TNRC6A: variants seen among roughly 807,000 people sequenced by gnomAD.
TNRC6A encodes the protein trinucleotide repeat containing adaptor 6A, also known as trinucleotide repeat-containing gene 6A protein.
In TNRC6A, 44 loss-of-function variants were observed where a neutral mutation model predicts 221.2. That is an observed-to-expected ratio of 0.20 (90% CI 0.16 to 0.26). The LOEUF (loss-of-function observed/expected upper bound fraction) is 0.26. TNRC6A is among the 10% of genes least tolerant of loss of function. The pLI, the probability that TNRC6A is intolerant of heterozygous loss-of-function variation, is 1.00. For missense variants in TNRC6A, 2,199 were observed against 2,404.4 expected, an observed-to-expected ratio of 0.91 and a Z score of 1.79; for synonymous variants, 847 against 838.5, an observed-to-expected ratio of 1.01 and a Z score of -0.18.
Position 24,793,497 on chromosome 16 carries a change from C to A in TNRC6A, c.3200C>A (p.Pro1067His). 6.6e-7 allele frequency: 1 copy of A among 1,516,962 alleles called. No homozygotes were observed. The highest frequency in any genetic ancestry group is 1.4e-5 in the South Asian group (1 of 71,732). The allele number at this position is 1,516,962 out of a possible 1,614,324, so 94.0% of individuals were successfully genotyped here. A position where few individuals can be genotyped will look rare whatever the true frequency, so the allele number is the denominator to read the frequency against. ...GGCTGGGGTGAGCCCTGGGGGGAGC[C>A]TTCTACTCCAGCCACAACTGTGGAT... ...GSGWGEPWGE[P>H]STPATTVDNG... The change falls in exon 7 of 25, where the codon CCT becomes CAT. Residue 1067 changes from proline (P) to histidine (H), a missense_variant. This residue lies in a region of TNRC6A where 1,405 missense variants were observed against 1,400.2 expected (regional missense o/e 1.00). Coordinates refer to ENST00000395799, the MANE Select transcript of TNRC6A (RefSeq NM_014494.4).
At chr16:24,726,362 C>A (rs866193867), upstream of TNRC6A, among the ~76,000 whole-genome samples, 101 of 134,508 alleles carry the variant, frequency 7.5e-4, no homozygotes, top group Admixed American at 8.2e-4. Context: ...CAAAAGATAC[C>A]AAAAAAAAAA....
chr16:24,784,951 T>C (rs912332078), intron 5 of TNRC6A, among the ~76,000 whole-genome samples: 4 of 152,360 alleles, frequency 2.6e-5, no homozygotes, highest in Middle Eastern at 3.4e-3. Context: ...AAAATACTTA[T>C]TCACTGATAG....
At chr16:24,705,960 C>A (rs2056085740) in intron 2 of TNRC6A, among the ~76,000 whole-genome samples, 1 of 152,102 alleles carries the variant, frequency 6.6e-6, no homozygotes, top group African/African-American at 2.4e-5. Context: ...CAAGAGTACT[C>A]CTGGAAAGTC....
intron 4 of TNRC6A, among the ~76,000 whole-genome samples, chr16:24,769,802 G>A (rs2057552819): frequency 6.6e-6 from 1 of 152,090 alleles, no homozygotes. Flanking sequence ...TGCACCTCTT[G>A]AATATTGATA....
At chr16:24,647,583 G>A (rs769649277) in intron 2 of TNRC6A, among the ~76,000 whole-genome samples, 54 of 152,012 alleles carry the variant, frequency 3.6e-4, no homozygotes, top group Admixed American at 7.9e-4. Flanking sequence ...CATCACCACC[G>A]TCCATCTCTA....
intron 2 of TNRC6A, among the ~76,000 whole-genome samples, chr16:24,652,810 G>A (rs1269392945): frequency 6.6e-6 from 1 of 152,160 alleles, no homozygotes; most frequent in African/African-American, 2.4e-5. Flanking sequence ...CTACCTCCCT[G>A]TAGATTAAGT....
intron 2 of TNRC6A, among the ~76,000 whole-genome samples, chr16:24,668,485 G>A (rs965545237): frequency 3.9e-5 from 6 of 151,960 alleles, no homozygotes; most frequent in Admixed American, 2.0e-4. Flanking sequence ...CCAGTCCCTC[G>A]GCTCTACCCG....
At chr16:24,757,664 A>G (rs1174005280) in intron 3 of TNRC6A, among the ~76,000 whole-genome samples, 1 of 152,230 alleles carries the variant, frequency 6.6e-6, no homozygotes, top group Non-Finnish European at 1.5e-5. Flanking sequence ...GTGTCAGAAA[A>G]TAAAGGAAGA....
At chr16:24,690,982 T>C (rs2055744158) in intron 2 of TNRC6A, among the ~76,000 whole-genome samples, 2 of 151,994 alleles carry the variant, frequency 1.3e-5, no homozygotes, top group East Asian at 1.9e-4. Context: ...TAATTTTTTT[T>C]GTATTTTTGG....
At chr16:24,730,161 C>T in intron 1 of TNRC6A, 92 bp from the exon 2 acceptor site, 1 of 1,311,480 alleles carries the variant, frequency 7.6e-7, no homozygotes. Context: ...GGCCCCGGCG[C>T]GAGCCTCTGC....
At chr16:24,751,715 A>T (rs535005273) in intron 3 of TNRC6A, among the ~76,000 whole-genome samples, 1 of 152,158 alleles carries the variant, frequency 6.6e-6, no homozygotes, top group Admixed American at 6.5e-5. Flanking sequence ...TGAGCCAGGC[A>T]TTGTGCTAGG....
At chr16:24,813,482 C>A (rs1433551805) in intron 18 of TNRC6A, among the ~76,000 whole-genome samples, 2 of 152,150 alleles carry the variant, frequency 1.3e-5, no homozygotes, top group Non-Finnish European at 2.9e-5. Flanking sequence ...CAGCTCCATC[C>A]ATGTTGCTGC....
At chr16:24,770,088 G>A (rs1001956264) in intron 4 of TNRC6A, among the ~76,000 whole-genome samples, 4 of 152,144 alleles carry the variant, frequency 2.6e-5, no homozygotes, top group African/African-American at 9.7e-5. Context: ...CCAGTCTGGG[G>A]GTGGGGGAAA....
At chr16:24,783,138 C>CTTTTTTTTTTT (rs551197182) in intron 5 of TNRC6A, among the ~76,000 whole-genome samples, 1 of 147,836 alleles carries the variant, frequency 6.8e-6, no homozygotes, top group Non-Finnish European at 1.5e-5. Context: ...TGTTTCTTTT[C>CTTTTTTTTTTT]TTTTTTTTTT....
intron 2 of TNRC6A, among the ~76,000 whole-genome samples, chr16:24,722,033 G>A (rs542259158): frequency 5.5e-4 from 84 of 152,284 alleles, no homozygotes; most frequent in Admixed American, 1.4e-3. Context: ...GAGAAGGGGC[G>A]CGAGGGAATT....
intron 4 of TNRC6A, among the ~76,000 whole-genome samples, chr16:24,761,520 T>A (rs766226840): frequency 2.6e-4 from 40 of 152,044 alleles, no homozygotes; most frequent in Non-Finnish European, 4.0e-4. Context: ...ATAAGAAAAT[T>A]TTTTAAAAAC....
chr16:24,752,208 A>T (rs1462617030), intron 3 of TNRC6A, among the ~76,000 whole-genome samples: 1 of 152,228 alleles, frequency 6.6e-6, no homozygotes, highest in African/African-American at 2.4e-5. Context: ...GGACTATTAA[A>T]GTAATCCACA....
rs146807475 is a variant in TNRC6A at position 24,697,254 on chromosome 16, A to G, written n.403-53472A>G. On this transcript the variant is annotated intron_variant and non_coding_transcript_variant, in intron 2 of 2. Coordinates refer to the TNRC6A transcript ENST00000566108. ...GGAAAAACTGCTGAAGCAATGACAG[A>G]AACTACCTACGTCTGGGTATCTTTT... 7.8e-4 allele frequency among the ~76,000 whole-genome samples: 119 copies of G among 152,344 alleles called. 1 individual carries two copies. Among genetic ancestry groups the G allele is most frequent in the African/African-American group, 2.7e-3 (113 of 41,598 alleles).
intron 1 of TNRC6A, among the ~76,000 whole-genome samples, chr16:24,631,460 C>T (rs936808097): frequency 1.3e-5 from 2 of 152,092 alleles, no homozygotes; most frequent in Non-Finnish European, 1.5e-5. Context: ...ATTCTCTTCC[C>T]ACTTATTGTA....
Sources: allele counts gnomAD v4.1 joint callset (sites outside exome capture counted in the v4.1 genomes callset), GRCh38; gene constraint gnomAD v4.1.1; regional missense constraint gnomAD v4.1.1; transcripts MANE v1.5; gene names NCBI Gene and HGNC (gene_info 2026-07-23, HGNC 2026-07-21).